Variants in MOV10 observed in about 807,000 individuals in gnomAD.
MOV10 encodes RNA helicase MOV-10.
Under a neutral mutation model 108.4 loss-of-function variants are expected in MOV10, and 39 were observed. The observed-to-expected ratio is 0.36, with a 90% CI of 0.28 to 0.47. The LOEUF is 0.47. Ranked by LOEUF, MOV10 falls within the 20% of genes least tolerant of loss-of-function variation. The pLI is 1.00. For missense variants in MOV10, 952 were observed against 1,297.6 expected, an observed-to-expected ratio of 0.73 and a Z score of 4.09; for synonymous variants, 490 against 523.1, an observed-to-expected ratio of 0.94 and a Z score of 0.86.
intron 2 of MOV10, chr1:112,686,936 C>T (rs1469734155): frequency 2.2e-6 from 1 of 456,506 alleles, no homozygotes; most frequent in African/African-American, 2.0e-5. Flanking sequence ...ATTGCAAGGG[C>T]CTTCTTCTAA....
intron 2 of MOV10, among the ~76,000 whole-genome samples, chr1:112,676,559 G>A (rs550417247): frequency 2.6e-5 from 4 of 152,282 alleles, no homozygotes; most frequent in South Asian, 2.1e-4. Flanking sequence ...CAAAAACAGC[G>A]GGGGATTTAT....
In MOV10 at chr1:112,698,786, G is replaced by T. The variant is rs1674348978; in HGVS notation, c.2580G>T (p.Leu860Phe). The stretch of plus-strand genomic sequence containing the variant: ...GAGGACTGGATGACATCAAGGACTT[G>T]AAGGTGACATGCTGTTCCACAGTCA... ...ELRGLDDIKD[L>F]KVGSVEEFQG... The change falls in exon 17 of 21, where the codon TTG becomes TTT. Residue 860 changes from leucine (L) to phenylalanine (F), a missense_variant. Coordinates refer to ENST00000369645, the MANE Select transcript of MOV10 (RefSeq NM_001321324.2). 1 of 1,613,602 alleles carries T rather than the reference G, an allele frequency of 6.2e-7. No individual in the cohort carries two copies. Among genetic ancestry groups the T allele is most frequent in the Non-Finnish European group, 8.5e-7 (1 of 1,179,608 alleles).
chr1:112,685,729 G>A (rs1020418141), intron 2 of MOV10, among the ~76,000 whole-genome samples: 1 of 151,058 alleles, frequency 6.6e-6, no homozygotes, highest in African/African-American at 2.4e-5. Context: ...ATAATACAAG[G>A]ATTGGGGCTT....
At chr1:112,688,440 C>CCA (rs2101338863) in intron 2 of MOV10, 1 of 999,696 alleles carries the variant, frequency 1.0e-6, no homozygotes, top group African/African-American at 1.7e-5. Flanking sequence ...GCCACCTTGC[C>CCA]CACACACTTG....
At chr1:112,697,512 AC>A (rs1313817083) in intron 14 of MOV10, among the ~76,000 whole-genome samples, 1 of 152,094 alleles carries the variant, frequency 6.6e-6, no homozygotes, top group East Asian at 1.9e-4. Context: ...TTTTTCATAA[AC>A]CTATTGTTAT....
chr1:112,694,663 T>C lies in MOV10; in HGVS notation c.1472+34T>C, dbSNP rs1286096002. 1.3e-6 allele frequency: 2 copies of C among 1,592,748 alleles called. No individual in the cohort carries two copies. The highest frequency in any genetic ancestry group is 2.2e-5 in the East Asian group (1 of 44,670). On this transcript the variant is annotated intron_variant, in intron 9 of 20. Coordinates refer to ENST00000369645, the MANE Select transcript of MOV10 (RefSeq NM_001321324.2). This position sits in a 1 kb window ranked among gnomAD's most constrained non-coding sequence, Gnocchi z 4.1. Reference sequence around the variant, plus strand: ...GTGGGCAGGGAGCTTCTGGAGCCACTTGGAGTGTGGGCACAGGGGGTGGAG... The same window carrying C: ...GTGGGCAGGGAGCTTCTGGAGCCACCTGGAGTGTGGGCACAGGGGGTGGAG...
chr1:112,682,327 T>C (rs1166775124), intron 2 of MOV10, among the ~76,000 whole-genome samples: 1 of 151,890 alleles, frequency 6.6e-6, no homozygotes, highest in Non-Finnish European at 1.5e-5. Flanking sequence ...AGACTCAGGC[T>C]ATCCTCCCAC....
intron 2 of MOV10, chr1:112,688,731 G>C (rs1673289841): frequency 2.8e-6 from 4 of 1,433,832 alleles, no homozygotes; most frequent in Admixed American, 2.8e-5. Flanking sequence ...TTTTGCCTTG[G>C]GAAGTCCCAT....
At chr1:112,693,957 G>A (rs1027984619) in intron 7 of MOV10, 61 bp from the exon 8 acceptor site, 3 of 1,553,300 alleles carry the variant, frequency 1.9e-6, no homozygotes, top group Non-Finnish European at 8.9e-7. Flanking sequence ...GGGAACCTGG[G>A]GGCTGGGCCC....
intron 2 of MOV10, among the ~76,000 whole-genome samples, chr1:112,679,823 C>T (rs1672484954): frequency 6.6e-6 from 1 of 152,024 alleles, no homozygotes; most frequent in Non-Finnish European, 1.5e-5. Flanking sequence ...GATGTTAGAG[C>T]TTTGGGAAAA....
rs2101216732 is a variant in MOV10, at chr1:112,674,742, C to T, written c.-66+13C>T. 2 of 579,776 alleles carry T rather than the reference C, an allele frequency of 3.4e-6. No homozygotes were observed. The highest frequency in any genetic ancestry group is 2.3e-5 in the South Asian group (1 of 43,264). 35.9% of individuals were successfully genotyped at this position (579,776 alleles called of 1,614,324 possible). A position where few individuals can be genotyped will look rare whatever the true frequency, so the allele number is the denominator to read the frequency against. ...AGGGAAAGCTCAGGTAAGAAAAGAA[C>T]GGAGGAGGGAAGCCTGGTGGGGAGA... On this transcript the variant is annotated intron_variant, in intron 1 of 20. Coordinates refer to ENST00000369645, the MANE Select transcript of MOV10 (RefSeq NM_001321324.2).
intron 3 of MOV10, 59 bp downstream of exon 3, chr1:112,689,197 G>C: frequency 6.7e-6 from 10 of 1,485,182 alleles, no homozygotes; most frequent in East Asian, 2.4e-5. Context: ...AGGGAAGGGG[G>C]CTATCTGTGT....
chr1:112,694,370 A>G lies in MOV10; in HGVS notation c.1296-83A>G. The G allele has an allele frequency of 1.3e-6, 2 of 1,556,368 alleles. No homozygotes were observed. The highest frequency in any genetic ancestry group is 1.8e-6 in the Non-Finnish European group (2 of 1,133,784). ...AGGTCTTGGAAAGAGGGGTTGGGAC[A>G]CTGGTTGGTGGAGAAAGTTCTGGCC... On this transcript the variant is annotated intron_variant, in intron 8 of 20. Coordinates refer to ENST00000369645, the MANE Select transcript of MOV10 (RefSeq NM_001321324.2). This position sits in a 1 kb window ranked among gnomAD's most constrained non-coding sequence, Gnocchi z 4.1.
Position 112,700,396 on chromosome 1 carries a change from T to G in MOV10, c.2921-20T>G, listed in dbSNP as rs753940445. On this transcript the variant is annotated intron_variant, in intron 20 of 20. Coordinates refer to ENST00000369645, the MANE Select transcript of MOV10 (RefSeq NM_001321324.2). ...AGAGGAGGTGGTAAGGAAGACACAG[T>G]GTACTTTCTCTCTTTCCAGGGCCCC... The G allele has an allele frequency of 1.7e-5, 27 of 1,613,538 alleles. No individual in the cohort carries two copies. The highest frequency in any genetic ancestry group is 5.9e-6 in the Non-Finnish European group (7 of 1,179,778).
intron 14 of MOV10, 74 bp downstream of exon 14, chr1:112,696,920 C>A: frequency 8.0e-7 from 1 of 1,254,210 alleles, no homozygotes; most frequent in African/African-American, 1.5e-5. Flanking sequence ...ACTGGAGAGT[C>A]TGGCTTGCTG....
chr1:112,691,508 G>A (rs1401069752), intron 5 of MOV10, among the ~76,000 whole-genome samples, 157 bp from the exon 6 acceptor site: 1 of 152,122 alleles, frequency 6.6e-6, no homozygotes, highest in African/African-American at 2.4e-5. Context: ...AGTATCGCAT[G>A]TTCCAAAAAT....
At chr1:112,693,962 G>C in intron 7 of MOV10, 56 bp from the exon 8 acceptor site, 1 of 1,573,938 alleles carries the variant, frequency 6.4e-7, no homozygotes, top group South Asian at 1.1e-5. Flanking sequence ...CCTGGGGGCT[G>C]GGCCCTCCAG....
chr1:112,694,371 C>T lies in MOV10; in HGVS notation c.1296-82C>T, dbSNP rs567337025. The T allele has an allele frequency of 6.4e-7, 1 of 1,559,410 alleles. No individual in the cohort carries two copies. Among genetic ancestry groups the T allele is most frequent in the Non-Finnish European group, 8.8e-7 (1 of 1,136,266 alleles). Reference sequence around the variant, plus strand: ...GGTCTTGGAAAGAGGGGTTGGGACACTGGTTGGTGGAGAAAGTTCTGGCCC... The same window carrying T: ...GGTCTTGGAAAGAGGGGTTGGGACATTGGTTGGTGGAGAAAGTTCTGGCCC... On this transcript the variant is annotated intron_variant, in intron 8 of 20. Coordinates refer to ENST00000369645, the MANE Select transcript of MOV10 (RefSeq NM_001321324.2). The surrounding 1 kb of genome is among the most constrained non-coding windows in gnomAD (Gnocchi z 4.1).
chr1:112,680,829 C>G (rs940856267), intron 2 of MOV10, among the ~76,000 whole-genome samples: 2 of 150,778 alleles, frequency 1.3e-5, no homozygotes, highest in African/African-American at 4.9e-5. Flanking sequence ...CAGCCTCCCA[C>G]GTAGGTGGGA....
Sources: allele counts gnomAD v4.1 joint callset (sites outside exome capture counted in the v4.1 genomes callset), GRCh38; gene constraint gnomAD v4.1.1; non-coding constraint Gnocchi (gnomAD v3.1); transcripts MANE v1.5; gene names NCBI Gene and HGNC (gene_info 2026-07-23, HGNC 2026-07-21).